The following ADGRB3 variants were observed in gnomAD, a reference collection of about 807,000 sequenced individuals.
The protein encoded by ADGRB3 is adhesion G protein-coupled receptor B3.
Under a neutral mutation model 193.4 loss-of-function variants are expected in ADGRB3, and 37 were observed. The ratio of observed to expected loss-of-function variants is 0.19; its 90% confidence interval spans 0.15 to 0.25. The LOEUF (loss-of-function observed/expected upper bound fraction) is 0.25, where lower values mean the gene tolerates loss of function less well. Among genes scored for constraint, ADGRB3 ranks in the 10% least tolerant of loss-of-function variants. The pLI is 1.00. For synonymous variants in ADGRB3, 690 were observed against 644.2 expected (o/e 1.07, Z -1.08); for missense variants, 1,637 against 1,852.9 (o/e 0.88, Z 2.14).
In ADGRB3 at chr6:68,639,381, A is replaced by G; in HGVS notation, c.706A>G (p.Thr236Ala). The G allele has an allele frequency of 1.2e-6, 2 of 1,613,772 alleles. No homozygotes were observed. The highest frequency in any genetic ancestry group is 1.7e-6 in the Non-Finnish European group (2 of 1,179,956). ...GGGCTGCCTGACCCAGGAGCTGCAA[A>G]CCACCCAAGTCTGCAATCTTACCAG... ...TEGCLTQELQ[T>A]TQVCNLTREA... The change falls in exon 3 of 32, where the codon ACC becomes GCC. Residue 236 changes from threonine (T) to alanine (A), a missense_variant. Physicochemically the swap from Thr to Ala is moderately conservative, Grantham distance 58. This residue lies in a region of ADGRB3 where 365 missense variants were observed against 409.8 expected (regional missense o/e 0.89). Transcript: ENST00000370598.
intron 3 of ADGRB3, among the ~76,000 whole-genome samples, chr6:68,648,907 G>C (rs534954173): frequency 6.6e-6 from 1 of 151,614 alleles, no homozygotes; most frequent in South Asian, 2.1e-4. Flanking sequence ...AAGAACTAAA[G>C]CATTTAAATA....
intron 20 of ADGRB3, among the ~76,000 whole-genome samples, chr6:69,308,092 CT>C (rs1462106419): frequency 2.0e-5 from 3 of 151,354 alleles, no homozygotes; most frequent in Non-Finnish European, 3.0e-5. Context: ...AAGATATAGA[CT>C]TTTTTCAATT....
At chr6:68,871,790 A>G (rs1487261336) in intron 3 of ADGRB3, among the ~76,000 whole-genome samples, 1 of 152,154 alleles carries the variant, frequency 6.6e-6, no homozygotes, top group Non-Finnish European at 1.5e-5. Flanking sequence ...CTTAATCATT[A>G]ATGACATTAA....
intron 6 of ADGRB3, among the ~76,000 whole-genome samples, chr6:68,950,741 T>C (rs1409039770): frequency 6.6e-6 from 1 of 152,168 alleles, no homozygotes; most frequent in Non-Finnish European, 1.5e-5. Context: ...AATTCATCCA[T>C]GTTTTTTCTA....
intron 10 of ADGRB3, among the ~76,000 whole-genome samples, chr6:68,983,673 C>T (rs1768990918): frequency 6.6e-6 from 1 of 151,726 alleles, no homozygotes; most frequent in Non-Finnish European, 1.5e-5. Context: ...AGCTCAAGGA[C>T]CTGGAGAAGC....
chr6:69,266,844 T>C (rs73469337), intron 20 of ADGRB3, among the ~76,000 whole-genome samples: 3,181 of 152,164 alleles, frequency 0.021, 97 homozygotes, highest in African/African-American at 0.068. Context: ...CAAAGATTTT[T>C]AAAAAGAAAA....
intron 20 of ADGRB3, among the ~76,000 whole-genome samples, chr6:69,242,315 T>G (rs1370806515): frequency 6.6e-6 from 1 of 151,918 alleles, no homozygotes; most frequent in African/African-American, 2.4e-5. Flanking sequence ...TCTGTGGGGA[T>G]TTTTTAATTG....
At chr6:68,638,275 T>C (rs958505310) in intron 2 of ADGRB3, among the ~76,000 whole-genome samples, 6 of 152,230 alleles carry the variant, frequency 3.9e-5, no homozygotes, top group African/African-American at 1.4e-4. Context: ...GTATAGACTA[T>C]AGACTGATTA....
chr6:69,287,366 T>A (rs940404390), intron 20 of ADGRB3, among the ~76,000 whole-genome samples: 2 of 152,166 alleles, frequency 1.3e-5, no homozygotes, highest in Non-Finnish European at 2.9e-5. Context: ...AGGAAAACTC[T>A]TTACATGTGA....
intron 10 of ADGRB3, among the ~76,000 whole-genome samples, chr6:68,986,814 T>TA (rs1178863131): frequency 1.3e-5 from 2 of 152,194 alleles, no homozygotes; most frequent in East Asian, 3.8e-4. Flanking sequence ...ATGTGATGTT[T>TA]AAAATGTATC....
intron 8 of ADGRB3, among the ~76,000 whole-genome samples, chr6:68,970,342 T>A (rs575306433): frequency 6.6e-6 from 1 of 151,876 alleles, no homozygotes; most frequent in African/African-American, 2.4e-5. Flanking sequence ...TGGAGTGCAG[T>A]GACACGATCT....
intron 20 of ADGRB3, among the ~76,000 whole-genome samples, chr6:69,320,725 G>A (rs7769609): frequency 0.08 from 12,084 of 151,126 alleles, 549 homozygotes; most frequent in Admixed American, 0.099. Context: ...TGATTTCTTC[G>A]TCAATATCTT....
At chr6:69,044,957 A>G (rs1210356419) in intron 13 of ADGRB3, among the ~76,000 whole-genome samples, 3 of 152,214 alleles carry the variant, frequency 2.0e-5, no homozygotes, top group African/African-American at 7.2e-5. Flanking sequence ...GAATTGTTAC[A>G]GAAGCAGGAT....
chr6:69,369,866 T>TC (rs1392733888), intron 29 of ADGRB3, among the ~76,000 whole-genome samples: 2 of 152,160 alleles, frequency 1.3e-5, no homozygotes, highest in Non-Finnish European at 2.9e-5. Flanking sequence ...TTGCTAGGTT[T>TC]TTTTTCTCCT....
chr6:68,809,042 A>G (rs542023963), intron 3 of ADGRB3, among the ~76,000 whole-genome samples: 2 of 146,638 alleles, frequency 1.4e-5, no homozygotes, highest in African/African-American at 5.0e-5. Flanking sequence ...GAACATTCCA[A>G]ACCCTGGCCT....
chr6:69,249,357 T>C (rs1766568513), intron 20 of ADGRB3, among the ~76,000 whole-genome samples: 1 of 152,122 alleles, frequency 6.6e-6, no homozygotes, highest in Non-Finnish European at 1.5e-5. Flanking sequence ...TGTATAAAAC[T>C]ATGGAAAAAA....
At chr6:69,322,303 G>A (rs1034473292) in intron 20 of ADGRB3, among the ~76,000 whole-genome samples, 1 of 151,782 alleles carries the variant, frequency 6.6e-6, no homozygotes, top group East Asian at 1.9e-4. Flanking sequence ...GAATACTGCT[G>A]CCATGAACAT....
intron 3 of ADGRB3, among the ~76,000 whole-genome samples, chr6:68,927,403 T>A (rs1052767009): frequency 2.8e-4 from 43 of 152,248 alleles, no homozygotes; most frequent in Middle Eastern, 6.8e-3. Context: ...ATTCACCACA[T>A]AAAATAATAG....
rs749498662 is a variant in ADGRB3, at chr6:69,361,226, A to G, written c.3953A>G (p.Asn1318Ser). 6.2e-7 allele frequency: 1 copy of G among 1,612,786 alleles called. No individual in the cohort carries two copies. Among genetic ancestry groups the G allele is most frequent in the Non-Finnish European group, 8.5e-7 (1 of 1,179,316 alleles). ...GTGATGCCCAGAAGTTCTGTAAATA[A>G]CCAGCCTTCAATGAAAGAAGAAAGC... The part of the protein sequence containing the change: ...YIVMPRSSVN[N>S]QPSMKEESKM... Residue 1318 changes from asparagine to serine, a missense_variant, in exon 29 of 32, where the codon AAC (asparagine) becomes AGC (serine). Physicochemically the swap from Asn to Ser is conservative, Grantham distance 46. Transcript: ENST00000370598.
Sources: allele counts gnomAD v4.1 joint callset (sites outside exome capture counted in the v4.1 genomes callset), GRCh38; gene constraint gnomAD v4.1.1; regional missense constraint gnomAD v4.1.1; transcripts MANE v1.5; gene names NCBI Gene and HGNC (gene_info 2026-07-23, HGNC 2026-07-21).